The following ZBTB16 variants were observed in gnomAD, a reference collection of about 807,000 sequenced individuals.
The protein encoded by ZBTB16 is zinc finger and BTB domain-containing protein 16.
A neutral mutation model predicts 56.8 loss-of-function variants in ZBTB16; 8 were observed. That is an observed-to-expected ratio of 0.14 (90% CI 0.08 to 0.25). The LOEUF (loss-of-function observed/expected upper bound fraction) is 0.25. ZBTB16 is among the 10% of genes least tolerant of loss of function. The pLI, the probability that ZBTB16 is intolerant of heterozygous loss-of-function variation, is 1.00. For missense variants in ZBTB16, 625 were observed against 903.0 expected, an observed-to-expected ratio of 0.69 and a Z score of 3.95; for synonymous variants, 363 against 368.5, an observed-to-expected ratio of 0.98 and a Z score of 0.17.
rs186612545 is a variant in ZBTB16 at position 114,151,764 on chromosome 11, C to T, written c.1269-4573C>T. On this transcript the variant is annotated intron_variant, in intron 2 of 6. Coordinates refer to ENST00000335953, the MANE Select transcript of ZBTB16 (RefSeq NM_006006.6). ...TAGTGCAGTGAGTTCTTCGCATAGC[C>T]TTCCCCCCTTGGTCCCTGGCTGCAT... Among the ~76,000 whole-genome samples the T allele has an allele frequency of 1.0e-3, 156 of 152,322 alleles. 1 individual carries two copies. The highest frequency in any genetic ancestry group is 3.5e-3 in the African/African-American group (144 of 41,572).
chr11:114,178,318 T>C (rs1213002381), intron 3 of ZBTB16, among the ~76,000 whole-genome samples: 1 of 152,228 alleles, frequency 6.6e-6, no homozygotes, highest in Non-Finnish European at 1.5e-5. Flanking sequence ...TTAAACACTT[T>C]ACATATATTA....
intron 4 of ZBTB16, among the ~76,000 whole-genome samples, chr11:114,230,635 G>GGA (rs1944423367): frequency 7.5e-6 from 1 of 132,484 alleles, no homozygotes; most frequent in Admixed American, 8.0e-5. Flanking sequence ...CTTCTGTGGG[G>GGA]GGGGGGCGGG....
chr11:114,075,574 A>G lies in ZBTB16; in HGVS notation c.1268+11006A>G, dbSNP rs375394832. The stretch of plus-strand genomic sequence containing the variant: ...TGGGTCCAAGTGATTCTCGTGCCTC[A>G]GCCTCCCAAGTACCTGGGACCACAG... On this transcript the variant is annotated intron_variant, in intron 2 of 6. Transcript: ENST00000335953. Among the ~76,000 whole-genome samples the G allele has an allele frequency of 4.0e-5, 6 of 151,276 alleles. No homozygotes were observed. The South Asian group carries it at 6.2e-4, about 16-fold the overall frequency.
chr11:114,167,879 C>T (rs765931155), intron 3 of ZBTB16, among the ~76,000 whole-genome samples: 1 of 152,204 alleles, frequency 6.6e-6, no homozygotes, highest in Non-Finnish European at 1.5e-5. Flanking sequence ...TGCCTGTTTC[C>T]CATGCTAGGC....
chr11:114,222,720 AT>A (rs1472813128), intron 4 of ZBTB16, among the ~76,000 whole-genome samples: 5 of 152,098 alleles, frequency 3.3e-5, no homozygotes, highest in African/African-American at 1.2e-4. Flanking sequence ...GGAGGTCATG[AT>A]TTCTGAGCAT....
chr11:114,213,213 G>A (rs1049117563), intron 4 of ZBTB16, among the ~76,000 whole-genome samples: 35 of 152,122 alleles, frequency 2.3e-4, no homozygotes. Flanking sequence ...TTGATGAAAT[G>A]CTTTGTCCAT....
intron 2 of ZBTB16, among the ~76,000 whole-genome samples, chr11:114,153,995 A>G (rs902414471): frequency 5.3e-5 from 8 of 152,182 alleles, no homozygotes; most frequent in Admixed American, 2.6e-4. Flanking sequence ...AGTGCCTGTC[A>G]TCTTTCACAC....
chr11:114,081,649 G>A (rs574796195), intron 2 of ZBTB16, among the ~76,000 whole-genome samples: 12 of 152,280 alleles, frequency 7.9e-5, no homozygotes, highest in South Asian at 2.1e-4. Flanking sequence ...AGTCCTGTCC[G>A]TAACTGTGTA....
intron 3 of ZBTB16, among the ~76,000 whole-genome samples, chr11:114,163,302 C>T (rs1049801534): frequency 1.3e-5 from 2 of 148,882 alleles, no homozygotes; most frequent in African/African-American, 4.9e-5. Flanking sequence ...GGCTGGGATC[C>T]GAAACCCTGC....
intron 2 of ZBTB16, among the ~76,000 whole-genome samples, chr11:114,139,303 C>T (rs373125398): frequency 1.5e-4 from 23 of 152,284 alleles, no homozygotes; most frequent in African/African-American, 5.5e-4. Flanking sequence ...TGGGGGCTGC[C>T]GCTAATTCCC....
At chr11:114,217,594 G>A (rs1944134028) in intron 4 of ZBTB16, among the ~76,000 whole-genome samples, 1 of 152,180 alleles carries the variant, frequency 6.6e-6, no homozygotes, top group African/African-American at 2.4e-5. Context: ...TTGAATATAA[G>A]ATGTCTGCGG....
chr11:114,241,524 T>C (rs966167454), intron 4 of ZBTB16, among the ~76,000 whole-genome samples: 1 of 152,206 alleles, frequency 6.6e-6, no homozygotes, highest in African/African-American at 2.4e-5. Context: ...GAGAGTCTAA[T>C]GATAAATGTA....
chr11:114,103,439 TAA>T (rs1326336290), intron 2 of ZBTB16, among the ~76,000 whole-genome samples: 1 of 152,244 alleles, frequency 6.6e-6, no homozygotes, highest in African/African-American at 2.4e-5. Flanking sequence ...CCGCTTGGAC[TAA>T]AGAAGTTTTG....
chr11:114,108,962 C>T (rs1211825486), intron 2 of ZBTB16, among the ~76,000 whole-genome samples: 2 of 152,224 alleles, frequency 1.3e-5, no homozygotes, highest in East Asian at 1.9e-4. Flanking sequence ...ACTAAGTTGC[C>T]GCTCTGCCTA....
At chr11:114,133,997 A>G (rs974687141) in intron 2 of ZBTB16, among the ~76,000 whole-genome samples, 1 of 152,202 alleles carries the variant, frequency 6.6e-6, no homozygotes, top group Admixed American at 6.5e-5. Flanking sequence ...AAAAGCCCAG[A>G]GTGGAGAGCT....
In ZBTB16 at chr11:114,144,480, G is replaced by C. The variant is rs557020564; in HGVS notation, c.1269-11857G>C. Among the ~76,000 whole-genome samples the C allele has an allele frequency of 3.9e-5, 6 of 152,308 alleles. No individual in the cohort carries two copies. The South Asian group carries it at 8.3e-4, about 21-fold the overall frequency. The stretch of plus-strand genomic sequence containing the variant: ...GCCTTTGTTTGTTTGTTCTTTGCAA[G>C]GAGTCTGTGTAGAAAGGAATACGGC... On this transcript the variant is annotated intron_variant, in intron 2 of 6. Coordinates refer to ENST00000335953, the MANE Select transcript of ZBTB16 (RefSeq NM_006006.6).
At chr11:114,101,247 T>C (rs1056786373) in intron 2 of ZBTB16, among the ~76,000 whole-genome samples, 6 of 152,138 alleles carry the variant, frequency 3.9e-5, no homozygotes, top group African/African-American at 1.4e-4. Context: ...TCAAACAATC[T>C]TCCCTCCTTG....
chr11:114,224,458 C>T (rs1591795657), intron 4 of ZBTB16, among the ~76,000 whole-genome samples: 1 of 152,138 alleles, frequency 6.6e-6, no homozygotes, highest in African/African-American at 2.4e-5. Flanking sequence ...TATACAGTAG[C>T]AGGGTGTGCA....
intron 3 of ZBTB16, among the ~76,000 whole-genome samples, chr11:114,167,818 G>A (rs1302798186): frequency 6.6e-6 from 1 of 152,124 alleles, no homozygotes; most frequent in Non-Finnish European, 1.5e-5. Context: ...AGGAGTTTTG[G>A]GACTTGCCAG....
Sources: allele counts gnomAD v4.1 joint callset (sites outside exome capture counted in the v4.1 genomes callset), GRCh38; gene constraint gnomAD v4.1.1; transcripts MANE v1.5; gene names NCBI Gene and HGNC (gene_info 2026-07-23, HGNC 2026-07-21).